The following NHSL2 variants were observed in gnomAD, a reference collection of about 807,000 sequenced individuals.
NHSL2 encodes the protein NHS-like protein 2.
A neutral mutation model predicts 53.4 loss-of-function variants in NHSL2; 27 were observed. The ratio of observed to expected loss-of-function variants is 0.51; its 90% CI spans 0.37 to 0.70. The LOEUF is 0.70. Among genes scored for constraint, NHSL2 ranks in the 30% least tolerant of loss-of-function variants. The pLI is 0.00. For synonymous variants in NHSL2, 408 were observed against 404.1 expected (o/e 1.01, Z -0.12); for missense variants, 892 against 980.1 (o/e 0.91, Z 1.20).
chrX:72,050,713 G>A (rs1296775990), intron 1 of NHSL2, among the ~76,000 whole-genome samples: 1 of 110,394 alleles, frequency 9.1e-6, no homozygotes, highest in Non-Finnish European at 1.9e-5. Flanking sequence ...GGCCAATATA[G>A]CGAAACCCTG....
chrX:72,017,790 A>G (rs979024026), intron 1 of NHSL2, among the ~76,000 whole-genome samples: 2 of 112,908 alleles, frequency 1.8e-5, no homozygotes, highest in Admixed American at 9.3e-5. Flanking sequence ...AATCAATTGT[A>G]GTAGATACCT....
intron 1 of NHSL2, among the ~76,000 whole-genome samples, chrX:72,081,629 G>A (rs1272180149): frequency 8.9e-6 from 1 of 111,783 alleles, no homozygotes; most frequent in Admixed American, 9.4e-5. Context: ...TCTGCAGCAT[G>A]AGCGAGCCTT....
At chrX:71,981,536 CA>C (rs140961615) in intron 1 of NHSL2, among the ~76,000 whole-genome samples, 3 of 66,621 alleles carry the variant, frequency 4.5e-5, no homozygotes, top group Non-Finnish European at 2.6e-5. Context: ...GACTCTGTCT[CA>C]AAAAAAAAAA....
At chrX:72,004,892 A>G (rs1865584507) in intron 1 of NHSL2, among the ~76,000 whole-genome samples, 1 of 110,614 alleles carries the variant, frequency 9.0e-6, no homozygotes, top group African/African-American at 3.3e-5. Context: ...TGAATTTTCA[A>G]TTCAGCATTT....
chrX:72,031,109 G>A (rs1186851092), intron 1 of NHSL2, among the ~76,000 whole-genome samples: 4 of 112,056 alleles, frequency 3.6e-5, no homozygotes, highest in Non-Finnish European at 7.5e-5. Context: ...AAGGAGAGGC[G>A]GACGTGTGAA....
chrX:72,093,713 GCTTGCTTGCTTTCTTTCTTT>G (rs768060431), intron 1 of NHSL2, among the ~76,000 whole-genome samples: 18 of 50,883 alleles, frequency 3.5e-4, no homozygotes, highest in East Asian at 9.6e-4. Flanking sequence ...CCCTAGTATA[GCTTGCTTGCTTTCTTTCTTT>G]CTTTCTTTCT....
At chrX:72,028,674 G>A (rs1052984052) in intron 1 of NHSL2, among the ~76,000 whole-genome samples, 1 of 111,981 alleles carries the variant, frequency 8.9e-6, no homozygotes, top group South Asian at 3.7e-4. Flanking sequence ...ACTAGAGTGG[G>A]TACATCTCAT....
At chrX:72,080,192 C>A (rs952261116) in intron 1 of NHSL2, 3 of 112,203 alleles carry the variant, frequency 2.7e-5, no homozygotes, top group Non-Finnish European at 5.6e-5. Context: ...ACACTTTTCT[C>A]ATGTGGATTC....
chrX:72,006,564 C>A (rs968027584), intron 1 of NHSL2, among the ~76,000 whole-genome samples: 5 of 112,441 alleles, frequency 4.4e-5, no homozygotes, highest in African/African-American at 1.6e-4. Flanking sequence ...CACCTCTGTG[C>A]ACCCTCCTCT....
intron 1 of NHSL2, among the ~76,000 whole-genome samples, chrX:71,929,738 GTTTC>G (rs938711270): frequency 2.7e-5 from 3 of 110,409 alleles, no homozygotes; most frequent in African/African-American, 6.6e-5. Flanking sequence ...CTCTCTTTCT[GTTTC>G]TTTCTCTTTT....
intron 1 of NHSL2, among the ~76,000 whole-genome samples, chrX:72,081,332 C>T (rs2041790045): frequency 8.9e-6 from 1 of 112,476 alleles, no homozygotes; most frequent in South Asian, 3.6e-4. Flanking sequence ...AACAGACCCT[C>T]CATGGGTGCA....
intron 1 of NHSL2, among the ~76,000 whole-genome samples, chrX:71,988,302 G>A (rs1172920666): frequency 1.8e-5 from 2 of 111,517 alleles, no homozygotes; most frequent in East Asian, 2.8e-4. Flanking sequence ...CCCCTTTAGG[G>A]AGGAAAAAGC....
At chrX:72,142,098 A>C in intron 6 of NHSL2, 134 bp from the exon 7 acceptor site, 1 of 446,936 alleles carries the variant, frequency 2.2e-6, no homozygotes, top group Non-Finnish European at 3.8e-6. Flanking sequence ...TCCTCTGCAA[A>C]ATGGAGGTAT....
At chrX:72,003,377 A>G (rs771423335) in intron 1 of NHSL2, among the ~76,000 whole-genome samples, 2 of 111,462 alleles carry the variant, frequency 1.8e-5, no homozygotes, top group South Asian at 7.6e-4. Context: ...CATGGCTAGG[A>G]GCAGAGGGAG....
intron 1 of NHSL2, among the ~76,000 whole-genome samples, chrX:72,071,383 A>G (rs1429568180): frequency 1.8e-5 from 2 of 112,314 alleles, no homozygotes; most frequent in East Asian, 2.8e-4. Context: ...AGCCCAGTAC[A>G]GAAGCTTGAA....
chrX:72,116,847 C>A (rs1408779307), intron 1 of NHSL2, among the ~76,000 whole-genome samples: 2 of 111,793 alleles, frequency 1.8e-5, no homozygotes, highest in Non-Finnish European at 3.8e-5. Flanking sequence ...AGCTAAGAAC[C>A]AGGGTGGTCT....
At chrX:72,073,295 G>C (rs184661466) in intron 1 of NHSL2, among the ~76,000 whole-genome samples, 49 of 110,773 alleles carry the variant, frequency 4.4e-4, no homozygotes, top group Non-Finnish European at 7.6e-4. Context: ...GTCGCAGCAC[G>C]TGGAAGCCCA....
chrX:72,100,577 C>T (rs962614237), intron 1 of NHSL2, among the ~76,000 whole-genome samples: 4 of 112,061 alleles, frequency 3.6e-5, no homozygotes, highest in Admixed American at 9.4e-5. Context: ...GAGTGGCAGG[C>T]GGGCGAGCAT....
intron 1 of NHSL2, among the ~76,000 whole-genome samples, chrX:71,951,207 G>C (rs2041819747): frequency 8.9e-6 from 1 of 111,810 alleles, no homozygotes; most frequent in Non-Finnish European, 1.9e-5. Context: ...ACTTGATATA[G>C]TGATTGGTGT....
Sources: gnomAD v4.1 joint callset for allele counts (sites outside exome capture counted in the v4.1 genomes callset) on GRCh38, gnomAD v4.1.1 for gene constraint, MANE v1.5 for transcripts, NCBI Gene and HGNC (gene_info 2026-07-23, HGNC 2026-07-21) for gene names.